The following IL1RAPL2 variants were observed in gnomAD, a reference collection of about 807,000 sequenced individuals.
IL1RAPL2 encodes X-linked interleukin-1 receptor accessory protein-like 2.
IL1RAPL2 carries 3 observed loss-of-function variants against 44.1 expected under a neutral mutation model. The ratio of observed to expected loss-of-function variants is 0.07; its 90% CI spans 0.03 to 0.18. The LOEUF is 0.18. IL1RAPL2 is among the 10% of genes least tolerant of loss of function. IL1RAPL2 has a pLI of 1.00. For synonymous variants in IL1RAPL2, 181 were observed against 178.8 expected, an observed-to-expected ratio of 1.01 and a Z score of -0.10; for missense variants, 391 against 496.4, an observed-to-expected ratio of 0.79 and a Z score of 2.02.
intron 5 of IL1RAPL2, among the ~76,000 whole-genome samples, chrX:105,483,590 C>G (rs2036246470): frequency 9.0e-6 from 1 of 111,240 alleles, no homozygotes; most frequent in African/African-American, 3.3e-5. Context: ...AAAACTTTCC[C>G]CAAACCTTCC....
chrX:105,035,730 C>T (rs1376467748), intron 2 of IL1RAPL2, among the ~76,000 whole-genome samples: 1 of 111,994 alleles, frequency 8.9e-6, no homozygotes, highest in East Asian at 2.8e-4. Flanking sequence ...ATTTACTGGT[C>T]AAAGGAGAAA....
intron 5 of IL1RAPL2, among the ~76,000 whole-genome samples, chrX:105,416,882 C>A (rs187041076): frequency 8.9e-6 from 1 of 112,215 alleles, no homozygotes; most frequent in African/African-American, 3.2e-5. Flanking sequence ...AGCAGAACAT[C>A]AAAGCTGGTT....
chrX:105,588,517 G>A (rs886147953), intron 6 of IL1RAPL2, among the ~76,000 whole-genome samples: 2 of 110,651 alleles, frequency 1.8e-5, no homozygotes, highest in East Asian at 5.7e-4. Context: ...CTGATATGCT[G>A]TTCTTTCATT....
chrX:105,628,350 T>C (rs1454560121), intron 6 of IL1RAPL2, among the ~76,000 whole-genome samples: 1 of 111,066 alleles, frequency 9.0e-6, no homozygotes, highest in East Asian at 2.9e-4. Context: ...ACTTTTACAG[T>C]CTGCTGTCTG....
Position 105,651,821 on chromosome X carries a change from AG to A in IL1RAPL2, c.773-65544del, listed in dbSNP as rs758736453. ...TCCCCTGTGAAGACCTCCTGAAAGC[AG>A]GTGCACGCTTTGCACAGTATTTAGC... On this transcript the variant is annotated intron_variant, in intron 6 of 10. Coordinates refer to ENST00000372582, the MANE Select transcript of IL1RAPL2 (RefSeq NM_017416.2). Among the ~76,000 whole-genome samples the A allele has an allele frequency of 3.6e-5, 4 of 112,087 alleles. No homozygotes were observed. The South Asian group carries it at 1.5e-3, about 41-fold the overall frequency.
chrX:105,071,026 TTTTTAA>T (rs1220716465), intron 2 of IL1RAPL2, among the ~76,000 whole-genome samples: 8 of 111,721 alleles, frequency 7.2e-5, no homozygotes, highest in African/African-American at 2.6e-4. Flanking sequence ...AGGGACTAAA[TTTTTAA>T]TTTTAAGTAA....
chrX:105,055,537 C>CA (rs1158908301), intron 2 of IL1RAPL2, among the ~76,000 whole-genome samples: 2 of 111,234 alleles, frequency 1.8e-5, no homozygotes, highest in Admixed American at 1.9e-4. Context: ...TTTTGATTGG[C>CA]AAAAAATAAA....
intron 2 of IL1RAPL2, among the ~76,000 whole-genome samples, chrX:105,178,035 T>A (rs2033491942): frequency 8.9e-6 from 1 of 112,040 alleles, no homozygotes; most frequent in Non-Finnish European, 1.9e-5. Context: ...ACATTGTTTT[T>A]AGCTATAGTC....
At chrX:104,673,279 G>A (rs1435502830) in intron 2 of IL1RAPL2, among the ~76,000 whole-genome samples, 1 of 111,567 alleles carries the variant, frequency 9.0e-6, no homozygotes, top group East Asian at 2.8e-4. Flanking sequence ...TTTGTATAAG[G>A]TGTAATGAAG....
intron 2 of IL1RAPL2, among the ~76,000 whole-genome samples, chrX:104,909,131 C>T (rs1463007776): frequency 8.0e-5 from 9 of 111,917 alleles, no homozygotes; most frequent in Admixed American, 1.9e-4. Flanking sequence ...TCCAGTTGAT[C>T]GCATTGGCTC....
At chrX:105,215,027 C>T (rs1250344162) in intron 3 of IL1RAPL2, among the ~76,000 whole-genome samples, 1 of 112,124 alleles carries the variant, frequency 8.9e-6, no homozygotes, top group Non-Finnish European at 1.9e-5. Context: ...CTGAAATCAA[C>T]ACACTAACAT....
chrX:104,790,577 CAT>C (rs1932820387), intron 2 of IL1RAPL2, among the ~76,000 whole-genome samples: 1 of 104,179 alleles, frequency 9.6e-6, no homozygotes, highest in African/African-American at 4.0e-5. Context: ...ATTTGTGAAA[CAT>C]TTTTTTTTTT....
intron 6 of IL1RAPL2, among the ~76,000 whole-genome samples, chrX:105,549,762 A>G (rs1000749896): frequency 1.1e-4 from 12 of 111,453 alleles, no homozygotes; most frequent in African/African-American, 3.9e-4. Context: ...TCTTCACAGT[A>G]TCTACTCCAC....
At chrX:104,866,376 T>C (rs1486452611) in intron 2 of IL1RAPL2, among the ~76,000 whole-genome samples, 1 of 112,413 alleles carries the variant, frequency 8.9e-6, no homozygotes, top group Non-Finnish European at 1.9e-5. Context: ...TGTAAGTATA[T>C]GCTAGATCAA....
intron 3 of IL1RAPL2, among the ~76,000 whole-genome samples, chrX:105,223,554 C>T (rs1433628014): frequency 5.4e-5 from 6 of 112,027 alleles, no homozygotes; most frequent in South Asian, 3.7e-4. Flanking sequence ...CTCCCACTTC[C>T]GCTTATAAAC....
chrX:105,335,004 T>C (rs2035017199), intron 5 of IL1RAPL2, among the ~76,000 whole-genome samples: 1 of 111,749 alleles, frequency 8.9e-6, no homozygotes, highest in Non-Finnish European at 1.9e-5. Flanking sequence ...AGATGAATTC[T>C]TGAGACAAAG....
chrX:104,672,214 C>T (rs1353230351), intron 2 of IL1RAPL2, among the ~76,000 whole-genome samples: 1 of 111,377 alleles, frequency 9.0e-6, no homozygotes, highest in East Asian at 2.8e-4. Flanking sequence ...ACTAACTCGT[C>T]ATCTAGCGTT....
intron 5 of IL1RAPL2, among the ~76,000 whole-genome samples, chrX:105,280,160 T>A (rs1019598744): frequency 8.9e-6 from 1 of 111,763 alleles, no homozygotes; most frequent in Non-Finnish European, 1.9e-5. Flanking sequence ...ACAAACCTGA[T>A]GCAAACAAGC....
At chrX:104,670,675 T>C (rs987316145) in intron 2 of IL1RAPL2, among the ~76,000 whole-genome samples, 1 of 110,737 alleles carries the variant, frequency 9.0e-6, no homozygotes, top group Non-Finnish European at 1.9e-5. Context: ...GATGCTAAGG[T>C]TTGTGGTATA....
Sources: gnomAD v4.1 joint callset for allele counts (sites outside exome capture counted in the v4.1 genomes callset) on GRCh38, gnomAD v4.1.1 for gene constraint, MANE v1.5 for transcripts, NCBI Gene and HGNC (gene_info 2026-07-23, HGNC 2026-07-21) for gene names.